ALG8: variants seen among roughly 807,000 people sequenced by gnomAD.
ALG8 encodes ALG8 alpha-1,3-glucosyltransferase, also known as dolichyl pyrophosphate Glc1Man9GlcNAc2 alpha-1,3-glucosyltransferase.
A neutral mutation model predicts 70.2 loss-of-function variants in ALG8; 48 were observed. The observed-to-expected ratio is 0.68, with a 90% CI of 0.54 to 0.87. ALG8 has a LOEUF of 0.87. Among genes scored for constraint, ALG8 ranks in the 40% least tolerant of loss-of-function variants. ALG8 has a pLI of 0.00. For synonymous variants in ALG8, 234 were observed against 229.0 expected, an observed-to-expected ratio of 1.02 and a Z score of -0.20; for missense variants, 572 against 608.7, an observed-to-expected ratio of 0.94 and a Z score of 0.64.
chr11:78,132,980 G>A (rs1469618128), intron 1 of ALG8, among the ~76,000 whole-genome samples: 2 of 151,754 alleles, frequency 1.3e-5, no homozygotes, highest in Admixed American at 6.6e-5. Context: ...GGGACTACAC[G>A]CGCCCACCAC....
At chr11:78,127,023 A>G (rs1369764755) in intron 2 of ALG8, among the ~76,000 whole-genome samples, 8 of 151,944 alleles carry the variant, frequency 5.3e-5, no homozygotes, top group African/African-American at 1.9e-4. Context: ...TCTGTCACCC[A>G]GGCTGGAGTG....
chr11:78,106,681 C>A, intron 10 of ALG8, 126 bp downstream of exon 10: 1 of 1,253,214 alleles, frequency 8.0e-7, no homozygotes, highest in Non-Finnish European at 1.1e-6. Flanking sequence ...TCCTAGTGGA[C>A]ATCTGTTCCT....
At chr11:78,107,555 C>T (rs990572208) in intron 9 of ALG8, among the ~76,000 whole-genome samples, 1 of 148,876 alleles carries the variant, frequency 6.7e-6, no homozygotes, top group African/African-American at 2.4e-5. Context: ...ATTAATTCTA[C>T]TGGCTGGGCA....
At chr11:78,115,863 T>C (rs1475098199) in intron 5 of ALG8, among the ~76,000 whole-genome samples, 2 of 152,180 alleles carry the variant, frequency 1.3e-5, no homozygotes, top group Non-Finnish European at 2.9e-5. Flanking sequence ...CCTCACAGTT[T>C]CAGAATAGCT....
intron 8 of ALG8, 69 bp downstream of exon 8, chr11:78,112,581 T>C: frequency 1.9e-6 from 3 of 1,601,012 alleles, no homozygotes; most frequent in African/African-American, 2.7e-5. Flanking sequence ...ACAAAGGTTT[T>C]TCCATTTCTC....
chr11:78,103,855 A>AT (rs904168537), intron 12 of ALG8, 125 bp downstream of exon 12: 40 of 552,474 alleles, frequency 7.2e-5, no homozygotes, highest in East Asian at 1.6e-4. Context: ...CTATTTACCA[A>AT]TTTTTTTTGT....
chr11:78,103,922 C>T (rs935233224), intron 12 of ALG8, 58 bp downstream of exon 12: 1 of 936,768 alleles, frequency 1.1e-6, no homozygotes, highest in Non-Finnish European at 1.7e-6. Flanking sequence ...CTTATTTGAC[C>T]ACTTAGGTGT....
At chr11:78,136,594 C>T (rs1861564104) in intron 1 of ALG8, among the ~76,000 whole-genome samples, 1 of 152,116 alleles carries the variant, frequency 6.6e-6, no homozygotes, top group Non-Finnish European at 1.5e-5. Flanking sequence ...TTCAGTAAAC[C>T]ATGCTGTAAA....
intron 2 of ALG8, among the ~76,000 whole-genome samples, chr11:78,126,593 T>C (rs1318653314): frequency 6.7e-6 from 1 of 150,046 alleles, no homozygotes; most frequent in African/African-American, 2.5e-5. Flanking sequence ...TTATAAACAA[T>C]ATGAGAGAAT....
At chr11:78,133,831 G>A (rs1861420404) in intron 1 of ALG8, among the ~76,000 whole-genome samples, 1 of 151,992 alleles carries the variant, frequency 6.6e-6, no homozygotes, top group Non-Finnish European at 1.5e-5. Context: ...GAACCCGGAA[G>A]GTGAGCTTGC....
At chr11:78,125,323 C>T (rs947094616) in intron 2 of ALG8, among the ~76,000 whole-genome samples, 10 of 151,822 alleles carry the variant, frequency 6.6e-5, no homozygotes, top group African/African-American at 4.8e-5. Context: ...TGAGCCACCG[C>T]GCCCAGCCTA....
chr11:78,121,385 TCCTCCTG>T (rs1860818333), intron 3 of ALG8, among the ~76,000 whole-genome samples: 1 of 150,272 alleles, frequency 6.7e-6, no homozygotes, highest in African/African-American at 2.4e-5. Context: ...GCTCAAGCAA[TCCTCCTG>T]CCCTGGCACC....
intron 8 of ALG8, chr11:78,112,289 AG>A (rs750243334): frequency 3.1e-6 from 1 of 321,964 alleles, no homozygotes; most frequent in Non-Finnish European, 6.0e-6. Flanking sequence ...AAAAATAAGT[AG>A]GGGTTTGAAT....
intron 8 of ALG8, chr11:78,112,315 G>A: frequency 2.9e-6 from 1 of 341,310 alleles, no homozygotes; most frequent in Non-Finnish European, 5.7e-6. Context: ...ATGGTGAGAA[G>A]GGGGGAAAAA....
chr11:78,121,169 C>T lies in ALG8; in HGVS notation c.374G>A (p.Cys125Tyr), dbSNP rs1860806292. Residue 125 changes from cysteine to tyrosine, a missense_variant, in exon 4 of 13, where the codon TGT (cysteine) becomes TAT (tyrosine). Physicochemically the swap from Cys to Tyr is radical, Grantham distance 194. Coordinates refer to ENST00000299626, the MANE Select transcript of ALG8 (RefSeq NM_024079.5). ...CACTTTTTTTCCATCAATGCATTTA[C>T]AGCACCTACATTGAAACATTAGGAA... is the stretch of plus-strand genomic sequence containing the variant. The part of the protein sequence containing the change: ...VLFVYAVREC[C>Y]KCIDGKKVGK... 6.2e-7 allele frequency: 1 copy of T among 1,608,532 alleles called. No homozygotes were observed. Among genetic ancestry groups the T allele is most frequent in the East Asian group, 2.2e-5 (1 of 44,820 alleles).
chr11:78,130,658 A>G (rs1310991879), intron 1 of ALG8, among the ~76,000 whole-genome samples: 1 of 151,948 alleles, frequency 6.6e-6, no homozygotes, highest in Non-Finnish European at 1.5e-5. Context: ...TTTTCCCTTC[A>G]TCTCTGGAAG....
At chr11:78,129,818 C>T (rs1861227796) in intron 1 of ALG8, among the ~76,000 whole-genome samples, 1 of 152,058 alleles carries the variant, frequency 6.6e-6, no homozygotes, top group African/African-American at 2.4e-5. Context: ...AAACATATAG[C>T]TCTTTGTGAC....
At position 78,106,835 on chromosome 11, in the gene ALG8, C is replaced by T. The variant is rs1159069584; in HGVS notation, c.1150G>A (p.Ala384Thr). 2.5e-6 allele frequency: 4 copies of T among 1,614,052 alleles called. No homozygotes were observed. In the East Asian group the frequency reaches 8.9e-5, roughly 36 times the overall value. The change falls in exon 10 of 13, where the codon GCC becomes ACC. Residue 384 changes from alanine (A) to threonine (T), a missense_variant. Physicochemically the swap from Ala to Thr is moderately conservative, Grantham distance 58. Coordinates refer to ENST00000299626, the MANE Select transcript of ALG8 (RefSeq NM_024079.5). ...ATTGGGAGAATTGCTAGAAGTATGG[C>T]TTTTTCATGAACATGCCACCCAAAC... ...FMFGWHVHEK[A>T]ILLAILPMSL...
Position 78,114,295 on chromosome 11 carries a change from C to G in ALG8, c.644G>C (p.Arg215Pro), listed in dbSNP as rs201602294. The G allele has an allele frequency of 3.2e-5, 52 of 1,613,910 alleles. No individual in the cohort carries two copies. Among genetic ancestry groups the G allele is most frequent in the Non-Finnish European group, 3.6e-5 (42 of 1,180,020 alleles). The stretch of plus-strand genomic sequence containing the variant: ...TTTATTTGCAGTGAAACAGTAGGAT[C>G]GCAGCAGATATACACCATAAGCTGG... ...VAPAYGVYLL[R>P]SYCFTANKPD... Residue 215 changes from arginine (R) to proline (P), a missense_variant, in exon 6 of 13, where the codon CGA (arginine) becomes CCA (proline). Coordinates refer to ENST00000299626, the MANE Select transcript of ALG8 (RefSeq NM_024079.5).
Sources: gnomAD v4.1 joint callset for allele counts (sites outside exome capture counted in the v4.1 genomes callset) on GRCh38, gnomAD v4.1.1 for gene constraint, MANE v1.5 for transcripts, NCBI Gene and HGNC (gene_info 2026-07-23, HGNC 2026-07-21) for gene names.